TMEM33: variants seen among roughly 807,000 people sequenced by gnomAD.
The protein encoded by TMEM33 is transmembrane protein 33.
TMEM33 carries 16 observed loss-of-function variants against 29.7 expected under a neutral mutation model. The ratio of observed to expected loss-of-function variants is 0.54; its 90% CI spans 0.36 to 0.82. The LOEUF (loss-of-function observed/expected upper bound fraction) is 0.82. TMEM33 is among the 40% of genes least tolerant of loss of function. TMEM33 has a pLI of 0.00. For synonymous variants in TMEM33, 112 were observed against 109.4 expected, an observed-to-expected ratio of 1.02 and a Z score of -0.15; for missense variants, 252 against 295.3, an observed-to-expected ratio of 0.85 and a Z score of 1.08.
At position 41,957,599 on chromosome 4, in the gene TMEM33, T is replaced by G. The variant is rs372066111; in HGVS notation, c.*3400T>G. 19 of 148,912 alleles carry G rather than the reference T, an allele frequency of 1.3e-4. No individual in the cohort carries two copies. The highest frequency in any genetic ancestry group is 4.7e-4 in the African/African-American group (19 of 40,820). The allele number at this position is 148,912 out of a possible 1,614,324, so 9.2% of individuals were successfully genotyped here. On this transcript the variant is annotated 3_prime_UTR_variant, in exon 7 of 7. Coordinates refer to ENST00000504986, the MANE Select transcript of TMEM33 (RefSeq NM_018126.3). Reference sequence around the variant, plus strand: ...GACAAGTAGAACTGAGAGATTTAGTTTTTTTTTTTTTTAAGTTTTAGTTCA... The same window carrying G: ...GACAAGTAGAACTGAGAGATTTAGTGTTTTTTTTTTTTAAGTTTTAGTTCA...
chr4:41,942,892 G>C (rs991920973), intron 3 of TMEM33, among the ~76,000 whole-genome samples: 6 of 152,160 alleles, frequency 3.9e-5, no homozygotes, highest in Non-Finnish European at 1.5e-5. Flanking sequence ...GAGCATAACT[G>C]TGACAACTTG....
chr4:41,943,852 A>G (rs1712660673), intron 4 of TMEM33, 38 bp downstream of exon 4: 2 of 1,581,302 alleles, frequency 1.3e-6, no homozygotes, highest in Non-Finnish European at 8.7e-7. Flanking sequence ...TCTGAATTAC[A>G]GATCATTGAC....
At position 41,956,052 on chromosome 4, in the gene TMEM33, A is replaced by T. The variant is rs1434125744; in HGVS notation, c.*1853A>T. 6.6e-6 allele frequency: 1 copy of T among 152,200 alleles called. No individual in the cohort carries two copies. The highest frequency in any genetic ancestry group is 6.5e-5 in the Admixed American group (1 of 15,274). 9.4% of individuals were successfully genotyped at this position (152,200 alleles called of 1,614,324 possible). On this transcript the variant is annotated 3_prime_UTR_variant, in exon 7 of 7. Coordinates refer to ENST00000504986, the MANE Select transcript of TMEM33 (RefSeq NM_018126.3). Reference sequence around the variant, plus strand: ...GAGTGCAGTGGCGCAATCCTGGCTCACTGTAGCCTCTGCCTCCTGGGTTCA... The same window carrying T: ...GAGTGCAGTGGCGCAATCCTGGCTCTCTGTAGCCTCTGCCTCCTGGGTTCA...
chr4:41,949,177 G>A (rs920864828), intron 5 of TMEM33, 125 bp from the exon 6 acceptor site: 2 of 554,138 alleles, frequency 3.6e-6, no homozygotes, highest in Non-Finnish European at 3.1e-6. Flanking sequence ...AGACATGATA[G>A]ATTTCACTAT....
rs796744441 is a variant in TMEM33, at chr4:41,953,887, A to C, written c.615-183A>C. On this transcript the variant is annotated intron_variant, in intron 6 of 6. Transcript: ENST00000504986. The stretch of plus-strand genomic sequence containing the variant: ...ATAGTGGAAGAATTGGCAAAGTGTG[A>C]CGCAGAGACATGAAGTGAGCACATG... 41 of 678,426 alleles carry C rather than the reference A, an allele frequency of 6.0e-5. No homozygotes were observed. The South Asian group carries it at 6.1e-4, about 10-fold the overall frequency. 42.0% of individuals were successfully genotyped at this position (678,426 alleles called of 1,614,324 possible). A position where few individuals can be genotyped will look rare whatever the true frequency, so the allele number is the denominator to read the frequency against.
intron 6 of TMEM33, among the ~76,000 whole-genome samples, chr4:41,951,444 T>C (rs1713036301): frequency 6.6e-6 from 1 of 152,220 alleles, no homozygotes; most frequent in Non-Finnish European, 1.5e-5. Context: ...AAAGTTCTGT[T>C]GTCCGTGCTG....
chr4:41,945,514 A>G (rs1253682050), intron 5 of TMEM33, among the ~76,000 whole-genome samples: 1 of 152,228 alleles, frequency 6.6e-6, no homozygotes, highest in African/African-American at 2.4e-5. Flanking sequence ...ATTTGACTAT[A>G]TGAATTCTTG....
Position 41,935,447 on chromosome 4 carries a change from T to C in TMEM33, c.-38T>C. ...GTTTTCTCTCCCCTTTCTTCTCTCTTCGCGGTTGCGGCGTCGCAGACGCTA... is the reference window on the plus strand; with the variant it reads ...GTTTTCTCTCCCCTTTCTTCTCTCTCCGCGGTTGCGGCGTCGCAGACGCTA... On this transcript the variant is annotated 5_prime_UTR_variant, in exon 1 of 7. Coordinates refer to ENST00000504986, the MANE Select transcript of TMEM33 (RefSeq NM_018126.3). 6.3e-7 allele frequency: 1 copy of C among 1,589,536 alleles called. No individual in the cohort carries two copies. The highest frequency in any genetic ancestry group is 2.3e-5 in the East Asian group (1 of 44,008).
chr4:41,945,765 G>A (rs1712756465), intron 5 of TMEM33, among the ~76,000 whole-genome samples: 1 of 152,078 alleles, frequency 6.6e-6, no homozygotes, highest in African/African-American at 2.4e-5. Context: ...GAGGTCAGGA[G>A]TTCAAGACCA....
At chr4:41,935,412 C>T, upstream of TMEM33, 10 of 1,504,856 alleles carry the variant, frequency 6.6e-6, no homozygotes, top group Admixed American at 3.9e-5. Flanking sequence ...GTCCTGGCCC[C>T]AGCGCTGACG....
rs1267450617 is a variant in TMEM33, at chr4:41,956,726, C to T, written c.*2527C>T. The T allele has an allele frequency of 6.6e-6, 1 of 152,054 alleles. No homozygotes were observed. Among genetic ancestry groups the T allele is most frequent in the Non-Finnish European group, 1.5e-5 (1 of 67,992 alleles). 9.4% of individuals were successfully genotyped at this position (152,054 alleles called of 1,614,324 possible). ...AGAATTATAATATTTCTGATATACT[C>T]ATGTTTGACAAGTTGAAACAGATTT... On this transcript the variant is annotated 3_prime_UTR_variant, in exon 7 of 7. Coordinates refer to ENST00000504986, the MANE Select transcript of TMEM33 (RefSeq NM_018126.3).
chr4:41,943,643 C>A (rs764750914), intron 3 of TMEM33, 104 bp from the exon 4 acceptor site: 6 of 1,010,612 alleles, frequency 5.9e-6, no homozygotes, highest in Non-Finnish European at 9.0e-6. Flanking sequence ...CCACTGAACT[C>A]ATTTTAGCAG....
Position 41,949,323 on chromosome 4 carries a change from A to G in TMEM33, c.552A>G (p.Gln184=). The part of the protein sequence containing the change: ...MLFSGQGSLL[Q]PFIYYRFLTL... Reference sequence around the variant, plus strand: ...TCAGTGGTCAAGGAAGTTTGCTCCAACCTTTTATATACTATAGATTTCTTA... The same window carrying G: ...TCAGTGGTCAAGGAAGTTTGCTCCAGCCTTTTATATACTATAGATTTCTTA... Residue 184 remains glutamine, a synonymous_variant, in exon 6 of 7, where the codon CAA becomes CAG. Coordinates refer to ENST00000504986, the MANE Select transcript of TMEM33 (RefSeq NM_018126.3). The G allele has an allele frequency of 6.2e-7, 1 of 1,610,060 alleles. No homozygotes were observed. Among genetic ancestry groups the G allele is most frequent in the East Asian group, 2.2e-5 (1 of 44,626 alleles).
chr4:41,950,695 T>A (rs191171499), intron 6 of TMEM33, among the ~76,000 whole-genome samples: 1 of 152,308 alleles, frequency 6.6e-6, no homozygotes, highest in Admixed American at 6.5e-5. Flanking sequence ...TTACTTGATT[T>A]CTTGAGTTTT....
chr4:41,951,264 T>C (rs1284188109), intron 6 of TMEM33, among the ~76,000 whole-genome samples: 1 of 152,160 alleles, frequency 6.6e-6, no homozygotes, highest in Non-Finnish European at 1.5e-5. Flanking sequence ...TTGGTTCCTT[T>C]TGAGCACAGT....
chr4:41,939,895 A>G (rs1202869094), intron 3 of TMEM33: 1 of 413,374 alleles, frequency 2.4e-6, no homozygotes, highest in South Asian at 1.7e-5. Flanking sequence ...AAGGACACAC[A>G]TGGATAATCC....
At position 41,949,272 on chromosome 4, in the gene TMEM33, A is replaced by G. The variant is rs1054348987; in HGVS notation, c.531-30A>G. 4 of 1,504,018 alleles carry G rather than the reference A, an allele frequency of 2.7e-6. No homozygotes were observed. In the African/African-American group the frequency reaches 4.2e-5, roughly 16 times the overall value. 93.2% of individuals were successfully genotyped at this position (1,504,018 alleles called of 1,614,324 possible). A position where few individuals can be genotyped will look rare whatever the true frequency, so the allele number is the denominator to read the frequency against. Reference sequence around the variant, plus strand: ...AGTATACACATGAATTGAAATGTATATTTATCACGCTTGTATTTGTTTATT... The same window carrying G: ...AGTATACACATGAATTGAAATGTATGTTTATCACGCTTGTATTTGTTTATT... On this transcript the variant is annotated intron_variant, in intron 5 of 6. Coordinates refer to ENST00000504986, the MANE Select transcript of TMEM33 (RefSeq NM_018126.3).
At chr4:41,949,691 G>A (rs530451280) in intron 6 of TMEM33, among the ~76,000 whole-genome samples, 1 of 152,198 alleles carries the variant, frequency 6.6e-6, no homozygotes, top group African/African-American at 2.4e-5. Flanking sequence ...AACAAAACAC[G>A]TGTCAATTAG....
chr4:41,939,520 A>G, intron 3 of TMEM33, 137 bp downstream of exon 3: 1 of 908,380 alleles, frequency 1.1e-6, no homozygotes, highest in South Asian at 1.6e-5. Flanking sequence ...AGATATGTTT[A>G]GTGTAAGAAT....
Sources: allele counts gnomAD v4.1 joint callset (sites outside exome capture counted in the v4.1 genomes callset), GRCh38; gene constraint gnomAD v4.1.1; transcripts MANE v1.5; gene names NCBI Gene and HGNC (gene_info 2026-07-23, HGNC 2026-07-21).